CIITA: variants seen among roughly 807,000 people sequenced by gnomAD.
The protein encoded by CIITA is MHC class II transactivator.
In CIITA, 72 loss-of-function variants were observed where a neutral mutation model predicts 115.1. The observed-to-expected ratio is 0.63, with a 90% CI of 0.52 to 0.76. The LOEUF is 0.76. Ranked by LOEUF, CIITA falls within the 30% of genes least tolerant of loss-of-function variation. CIITA has a pLI of 0.00. For synonymous variants in CIITA, 763 were observed against 635.6 expected (o/e 1.20, Z -3.02); for missense variants, 1,617 against 1,463.8 (o/e 1.10, Z -1.71).
chr16:10,903,594 A>G, intron 8 of CIITA, 137 bp from the exon 9 acceptor site: 1 of 932,606 alleles, frequency 1.1e-6, no homozygotes, highest in Non-Finnish European at 1.7e-6. Flanking sequence ...GTCCTGAAAT[A>G]TCTTCCTTTG....
At chr16:10,906,017 TC>T (rs2039123697) in intron 10 of CIITA, among the ~76,000 whole-genome samples, 1 of 151,748 alleles carries the variant, frequency 6.6e-6, no homozygotes. Flanking sequence ...TGAGAACTTA[TC>T]TCCACAAAAA....
rs774756243 is a variant in CIITA, at chr16:10,941,995, G to A, written n.1121G>A. ...TGCGTCCAGGTGGGCCGCGACCCGG[G>A]CGCCGAGCATGCAGCGGGTGGCAAG... On this transcript the variant is annotated non_coding_transcript_exon_variant, in exon 2 of 2. Transcript: ENST00000573379. The surrounding 1 kb of genome is among the most constrained non-coding windows in gnomAD (Gnocchi z 6.4). 66 of 1,470,886 alleles carry A rather than the reference G, an allele frequency of 4.5e-5. No homozygotes were observed. Among genetic ancestry groups the A allele is most frequent in the Non-Finnish European group, 5.9e-5 (65 of 1,109,766 alleles). The allele number at this position is 1,470,886 out of a possible 1,614,324, so 91.1% of individuals were successfully genotyped here. A position where few individuals can be genotyped will look rare whatever the true frequency, so the allele number is the denominator to read the frequency against.
At chr16:10,900,427 T>G (rs1033895229) in intron 5 of CIITA, among the ~76,000 whole-genome samples, 5 of 152,142 alleles carry the variant, frequency 3.3e-5, no homozygotes, top group African/African-American at 1.2e-4. Flanking sequence ...TGATAAATAT[T>G]TCCCCCCAAG....
upstream of CIITA, among the ~76,000 whole-genome samples, chr16:10,876,445 G>A (rs1268584019): frequency 3.3e-5 from 5 of 152,220 alleles, no homozygotes; most frequent in African/African-American, 7.2e-5. Flanking sequence ...ACTGTAGAAG[G>A]CTCTGAGGCT....
At chr16:10,921,389 T>C (rs1199425187) in intron 16 of CIITA, among the ~76,000 whole-genome samples, 1 of 152,232 alleles carries the variant, frequency 6.6e-6, no homozygotes, top group Non-Finnish European at 1.5e-5. Flanking sequence ...ACTGGCTTTT[T>C]CTCTTCCTGC....
In CIITA at chr16:10,895,316, C is replaced by A. The variant is rs375101778; in HGVS notation, c.87C>A (p.Pro29=). The part of the protein sequence containing the change: ...SSQCATMELG[P]LEGGYLELLN... ...AGTGTGCCACCATGGAGTTGGGGCC[C>A]CTAGAAGGTGGCTACCTGGAGCTTC... is the stretch of plus-strand genomic sequence containing the variant. The change falls in exon 2 of 20, where the codon CCC becomes CCA. Residue 29 remains proline (P), a synonymous_variant. Transcript: ENST00000324288. 7.4e-6 allele frequency: 12 copies of A among 1,613,888 alleles called. No individual in the cohort carries two copies. The African/African-American group carries it at 1.3e-4, about 18-fold the overall frequency.
chr16:10,899,317 G>C (rs565872230), intron 5 of CIITA, among the ~76,000 whole-genome samples: 1 of 152,200 alleles, frequency 6.6e-6, no homozygotes, highest in East Asian at 1.9e-4. Flanking sequence ...TCAAGCCTCG[G>C]GGCCTTTGCA....
At chr16:10,900,090 C>T (rs2038565012) in intron 5 of CIITA, among the ~76,000 whole-genome samples, 6 of 151,948 alleles carry the variant, frequency 3.9e-5, no homozygotes, top group Admixed American at 3.9e-4. Context: ...CAAACAACAA[C>T]AACCAAAAGA....
intron 5 of CIITA, among the ~76,000 whole-genome samples, chr16:10,900,445 T>G (rs28553568): frequency 6.6e-6 from 1 of 152,082 alleles, no homozygotes; most frequent in African/African-American, 2.4e-5. Flanking sequence ...AAGATTTTAT[T>G]GTGAAAGTTT....
intron 1 of CIITA, among the ~76,000 whole-genome samples, chr16:10,880,690 C>T (rs2036335940): frequency 6.6e-6 from 1 of 152,122 alleles, no homozygotes; most frequent in Non-Finnish European, 1.5e-5. Context: ...GCCTCAGATA[C>T]CTTGAGAAGA....
rs1322047464 is a variant in CIITA at position 10,925,255 on chromosome 16, G to A, written c.*1400G>A. The A allele has an allele frequency of 6.6e-6, 1 of 152,240 alleles. No individual in the cohort carries two copies. The highest frequency in any genetic ancestry group is 2.4e-5 in the African/African-American group (1 of 41,456). 9.4% of individuals were successfully genotyped at this position (152,240 alleles called of 1,614,324 possible). A position where few individuals can be genotyped will look rare whatever the true frequency, so the allele number is the denominator to read the frequency against. ...TCCCAAAAAGAAAGGAGGGGATAGAGAGAGACCACTTTTCATAACCTAGCC... is the reference window on the plus strand; with the variant it reads ...TCCCAAAAAGAAAGGAGGGGATAGAAAGAGACCACTTTTCATAACCTAGCC... On this transcript the variant is annotated 3_prime_UTR_variant, in exon 20 of 20. Coordinates refer to ENST00000324288, the MANE Select transcript of CIITA (RefSeq NM_000246.4).
In CIITA at chr16:10,907,179, C is replaced by T; in HGVS notation, c.1687C>T (p.Leu563=). 6.2e-7 allele frequency: 1 copy of T among 1,613,404 alleles called. No individual in the cohort carries two copies. Among genetic ancestry groups the T allele is most frequent in the African/African-American group, 1.3e-5 (1 of 74,980 alleles). ...CCAGAGCCTGAGCAAGGCCGACGCC[C>T]TATTTGAGCTGTCCGGCTTCTCCAT... The part of the protein sequence containing the change: ...LVQSLSKADA[L]FELSGFSMEQ... Residue 563 remains leucine, a synonymous_variant, in exon 11 of 20, where the codon CTA becomes TTA. Coordinates refer to ENST00000324288, the MANE Select transcript of CIITA (RefSeq NM_000246.4). The surrounding 1 kb of genome is among the most constrained non-coding windows in gnomAD (Gnocchi z 5.0).
intron 13 of CIITA, among the ~76,000 whole-genome samples, chr16:10,915,278 G>A (rs1233903285): frequency 6.6e-6 from 1 of 151,992 alleles, no homozygotes; most frequent in African/African-American, 2.4e-5. Context: ...TTGAACTCCT[G>A]GGCTCAAGCA....
chr16:10,934,757 C>T lies in CIITA; in HGVS notation c.*10902C>T, dbSNP rs996933881. The stretch of plus-strand genomic sequence containing the variant: ...CCAAGCCCCTTGCCAGGAGGGACTC[C>T]CAGAAATGAAGCCTTACCCTTGAGG... On this transcript the variant is annotated 3_prime_UTR_variant, in exon 20 of 20. Transcript: ENST00000324288. This position sits in a 1 kb window ranked among gnomAD's most constrained non-coding sequence, Gnocchi z 4.2. 2.6e-5 allele frequency: 4 copies of T among 152,164 alleles called. No individual in the cohort carries two copies. The highest frequency in any genetic ancestry group is 9.7e-5 in the African/African-American group (4 of 41,428). The allele number at this position is 152,164 out of a possible 1,614,324, so 9.4% of individuals were successfully genotyped here.
chr16:10,904,024 G>C, intron 9 of CIITA, 129 bp downstream of exon 9: 1 of 1,191,548 alleles, frequency 8.4e-7, no homozygotes, highest in South Asian at 1.3e-5. Context: ...GGGGTCAGTC[G>C]GGACAGGGAG....
chr16:10,918,427 T>C lies in CIITA; in HGVS notation c.3063-13T>C, dbSNP rs2040079999. ...TTTGGTCCTGAGCCCTCCCCCTCAC[T>C]GTGTCCCCGCAGTCTGTCCCAGAAC... On this transcript the variant is annotated splice_polypyrimidine_tract_variant and intron_variant, in intron 15 of 19. Transcript: ENST00000324288. The C allele has an allele frequency of 6.2e-7, 1 of 1,613,400 alleles. No homozygotes were observed. Among genetic ancestry groups the C allele is most frequent in the Non-Finnish European group, 8.5e-7 (1 of 1,179,412 alleles).
In CIITA at chr16:10,936,316, T is replaced by C. The variant is rs2041019925; in HGVS notation, c.*12461T>C. The C allele has an allele frequency of 6.6e-6, 1 of 152,224 alleles. No individual in the cohort carries two copies. The highest frequency in any genetic ancestry group is 6.5e-5 in the Admixed American group (1 of 15,280). The allele number at this position is 152,224 out of a possible 1,614,324, so 9.4% of individuals were successfully genotyped here. On this transcript the variant is annotated 3_prime_UTR_variant, in exon 20 of 20. Transcript: ENST00000324288. ...TATAGTGTATCAATATTAGATTTGCTGATTTTGACAACCCTACTGTGGTTA... is the reference window on the plus strand; with the variant it reads ...TATAGTGTATCAATATTAGATTTGCCGATTTTGACAACCCTACTGTGGTTA...
chr16:10,915,594 G>A lies in CIITA; in HGVS notation c.2913G>A (p.Gln971=). Residue 971 remains glutamine, a synonymous_variant, in exon 14 of 20, where the codon CAG becomes CAA. Coordinates refer to ENST00000324288, the MANE Select transcript of CIITA (RefSeq NM_000246.4). ...EFALGPVSGP[Q]AFPKLVRILT... ...GGCTGGGCCCTGTCTCAGGCCCCCA[G>A]GCTTTCCCCAAACTGGTGCGGATCC... The A allele has an allele frequency of 6.2e-7, 1 of 1,614,134 alleles. No homozygotes were observed. The highest frequency in any genetic ancestry group is 8.5e-7 in the Non-Finnish European group (1 of 1,180,010).
intron 9 of CIITA, 25 bp from the exon 10 acceptor site, chr16:10,904,719 C>G (rs759478896): frequency 6.2e-7 from 1 of 1,614,062 alleles, no homozygotes; most frequent in South Asian, 1.1e-5. Context: ...CACCCTAAAT[C>G]TGGCACCTGC....
Sources: gnomAD v4.1 joint callset for allele counts (sites outside exome capture counted in the v4.1 genomes callset) on GRCh38, gnomAD v4.1.1 for gene constraint, Gnocchi (gnomAD v3.1) non-coding constraint, MANE v1.5 for transcripts, NCBI Gene and HGNC (gene_info 2026-07-23, HGNC 2026-07-21) for gene names.